SNTG1: variants seen among roughly 807,000 people sequenced by gnomAD.
The protein encoded by SNTG1 is syntrophin gamma 1, also known as gamma-1-syntrophin.
A neutral mutation model predicts 74.7 loss-of-function variants in SNTG1; 39 were observed. The observed-to-expected ratio is 0.52, with a 90% confidence interval of 0.40 to 0.68. SNTG1 has a LOEUF of 0.68. Ranked by LOEUF, SNTG1 falls within the 30% of genes least tolerant of loss-of-function variation. The pLI, the probability that SNTG1 is intolerant of heterozygous loss-of-function variation, is 0.00. For missense variants in SNTG1, 685 were observed against 609.5 expected (o/e 1.12, Z -1.30); for synonymous variants, 254 against 217.1 (o/e 1.17, Z -1.49).
chr8:50,293,421 T>A (rs1563855897), intron 2 of SNTG1, among the ~76,000 whole-genome samples: 1 of 151,524 alleles, frequency 6.6e-6, no homozygotes, highest in Admixed American at 6.6e-5. Flanking sequence ...TTTTTTCTTT[T>A]TTTTTTTAGA....
At chr8:50,266,646 A>ATGTG (rs748153246) in intron 2 of SNTG1, among the ~76,000 whole-genome samples, 2,082 of 69,666 alleles carry the variant, frequency 0.03, 53 homozygotes, top group African/African-American at 0.054. Context: ...ACACAGAATT[A>ATGTG]TGTGTGTGTG....
intron 17 of SNTG1, among the ~76,000 whole-genome samples, chr8:50,722,367 G>T (rs1354333038): frequency 3.3e-5 from 5 of 151,790 alleles, no homozygotes; most frequent in Middle Eastern, 3.2e-3. Flanking sequence ...TAGAGACGGG[G>T]TTTTTACCAT....
intron 2 of SNTG1, among the ~76,000 whole-genome samples, chr8:50,221,193 G>A (rs971403981): frequency 3.9e-5 from 6 of 152,146 alleles, no homozygotes; most frequent in Admixed American, 6.5e-5. Flanking sequence ...ACATATAAAT[G>A]TACACAATAT....
intron 9 of SNTG1, among the ~76,000 whole-genome samples, chr8:50,527,748 C>A (rs1296232555): frequency 6.6e-6 from 1 of 151,690 alleles, no homozygotes; most frequent in African/African-American, 2.4e-5. Flanking sequence ...AAATCGCATG[C>A]CAATTTGCAT....
chr8:50,333,528 C>T (rs1404061383), intron 2 of SNTG1, among the ~76,000 whole-genome samples: 7 of 152,178 alleles, frequency 4.6e-5, no homozygotes, highest in Admixed American at 4.6e-4. Flanking sequence ...TACCTCCTGC[C>T]ATATTTTGCT....
chr8:50,045,458 A>G (rs1399766909), intron 1 of SNTG1, among the ~76,000 whole-genome samples: 1 of 152,166 alleles, frequency 6.6e-6, no homozygotes, highest in East Asian at 1.9e-4. Context: ...CAGCTAAGCC[A>G]TTAATGACAA....
rs193036553 is a variant in SNTG1, at chr8:50,692,850, C to T, written c.1039-11750C>T. ...TTTGTTTGTGCCCTGCCCCCAGAGG[C>T]GGAGCCTACAGAGGCAGGCAGGCCT... On this transcript the variant is annotated intron_variant, in intron 15 of 18. Transcript: ENST00000642720. Among the ~76,000 whole-genome samples, 709 of 152,350 alleles carry T rather than the reference C, an allele frequency of 4.7e-3. 1 individual carries two copies. The highest frequency in any genetic ancestry group is 8.2e-3 in the African/African-American group (339 of 41,582).
intron 13 of SNTG1, among the ~76,000 whole-genome samples, chr8:50,622,678 T>A (rs533832645): frequency 7.5e-4 from 114 of 152,242 alleles, no homozygotes; most frequent in Non-Finnish European, 1.1e-3. Context: ...TATGTAAATA[T>A]TAAATTACCG....
chr8:50,061,050 T>C (rs2130936126), intron 1 of SNTG1, among the ~76,000 whole-genome samples: 1 of 152,274 alleles, frequency 6.6e-6, no homozygotes, highest in African/African-American at 2.4e-5. Flanking sequence ...GCTACCTGGG[T>C]ACTGGCCTTA....
At chr8:50,425,725 A>G (rs1167315956) in intron 4 of SNTG1, among the ~76,000 whole-genome samples, 2 of 152,168 alleles carry the variant, frequency 1.3e-5, no homozygotes, top group African/African-American at 4.8e-5. Context: ...TTACTTTGAT[A>G]CAGATAAAAA....
intron 2 of SNTG1, among the ~76,000 whole-genome samples, chr8:50,189,061 C>A (rs1310987537): frequency 6.6e-6 from 1 of 152,144 alleles, no homozygotes; most frequent in African/African-American, 2.4e-5. Context: ...TACACACTTC[C>A]TCCATAATCC....
chr8:50,304,151 C>T (rs576624013), intron 2 of SNTG1, among the ~76,000 whole-genome samples: 1 of 152,266 alleles, frequency 6.6e-6, no homozygotes, highest in South Asian at 2.1e-4. Context: ...ATGTCATTAT[C>T]ATGGGAGTGT....
intron 1 of SNTG1, among the ~76,000 whole-genome samples, chr8:50,091,176 A>G (rs2079721988): frequency 6.6e-6 from 1 of 152,034 alleles, no homozygotes; most frequent in African/African-American, 2.4e-5. Flanking sequence ...TTTCTTATTT[A>G]TATTTAAGGT....
intron 2 of SNTG1, among the ~76,000 whole-genome samples, chr8:50,352,484 A>C (rs1287268920): frequency 6.6e-6 from 1 of 151,752 alleles, no homozygotes; most frequent in Non-Finnish European, 1.5e-5. Flanking sequence ...TCCACCTCCC[A>C]GGTACAAGAG....
chr8:50,357,229 G>A (rs2091843465), intron 2 of SNTG1, among the ~76,000 whole-genome samples: 1 of 151,806 alleles, frequency 6.6e-6, no homozygotes, highest in African/African-American at 2.4e-5. Flanking sequence ...TCTCCCTGGG[G>A]TCTCCCCCTC....
intron 2 of SNTG1, among the ~76,000 whole-genome samples, chr8:50,336,482 G>C (rs2091147185): frequency 1.3e-5 from 2 of 152,136 alleles, no homozygotes; most frequent in South Asian, 4.1e-4. Context: ...CTTCTAGATT[G>C]TCTAAACCAG....
At chr8:50,050,081 C>T (rs1347985246) in intron 1 of SNTG1, among the ~76,000 whole-genome samples, 3 of 150,980 alleles carry the variant, frequency 2.0e-5, no homozygotes, top group East Asian at 3.9e-4. Flanking sequence ...CCCAAATAAA[C>T]AGAAGAAAAA....
At chr8:50,360,837 T>G (rs1359507718) in intron 2 of SNTG1, among the ~76,000 whole-genome samples, 1 of 152,168 alleles carries the variant, frequency 6.6e-6, no homozygotes, top group Non-Finnish European at 1.5e-5. Flanking sequence ...GTATAGAAGT[T>G]GCTGTGCACG....
In SNTG1 at chr8:49,930,522, T is replaced by TAC. The variant is rs948222087; in HGVS notation, c.-103+18291_-103+18292insAC. Among the ~76,000 whole-genome samples, 136 of 151,596 alleles carry TAC rather than the reference T, an allele frequency of 9.0e-4. 1 individual carries two copies. The highest frequency in any genetic ancestry group is 3.1e-3 in the African/African-American group (128 of 41,354). On this transcript the variant is annotated intron_variant, in intron 1 of 18. Transcript: ENST00000642720. ...TAATATATATGTGTGTATATATATATGTGTGTGTAGCATATGTACATATTA... is the reference window on the plus strand; with the variant it reads ...TAATATATATGTGTGTATATATATATACGTGTGTGTAGCATATGTACATATTA...
Sources: gnomAD v4.1 joint callset for allele counts (sites outside exome capture counted in the v4.1 genomes callset) on GRCh38, gnomAD v4.1.1 for gene constraint, MANE v1.5 for transcripts, NCBI Gene and HGNC (gene_info 2026-07-23, HGNC 2026-07-21) for gene names.